The following NBAS variants were observed in gnomAD, a reference collection of about 807,000 sequenced individuals.
NBAS encodes the protein NAG/BC035112 fusion.
NBAS carries 219 observed loss-of-function variants against 302.5 expected under a neutral mutation model. The observed-to-expected ratio is 0.72, with a 90% CI of 0.65 to 0.81. The LOEUF (loss-of-function observed/expected upper bound fraction) is 0.81. Ranked by LOEUF, NBAS falls within the 30% of genes least tolerant of loss-of-function variation. The pLI, the probability that NBAS is intolerant of heterozygous loss-of-function variation, is 0.00. For missense variants in NBAS, 2,932 were observed against 2,841.6 expected (o/e 1.03, Z -0.72); for synonymous variants, 1,118 against 1,021.6 (o/e 1.09, Z -1.80).
the NBAS span, among the ~76,000 whole-genome samples, chr2:15,053,648 T>C: frequency 1.3e-5 from 2 of 151,264 alleles, no homozygotes; most frequent in Non-Finnish European, 2.9e-5. Context: ...TCCTTTCCCC[T>C]GCAGACCCGG....
chr2:14,861,570 C>T, the NBAS span, among the ~76,000 whole-genome samples: 3 of 152,224 alleles, frequency 2.0e-5, no homozygotes, highest in Non-Finnish European at 4.4e-5. Flanking sequence ...TCAAGGGTTG[C>T]ACTGAGCAGA....
At chr2:15,528,254 A>C (rs1189258517) in intron 9 of NBAS, among the ~76,000 whole-genome samples, 3 of 151,818 alleles carry the variant, frequency 2.0e-5, no homozygotes, top group African/African-American at 7.3e-5. Flanking sequence ...TGCTCCTTCA[A>C]GCAAGTAGTA....
At position 15,394,325 on chromosome 2, in the gene NBAS, A is replaced by G. The variant is rs1421669180; in HGVS notation, c.3159T>C (p.His1053=). 1 of 1,613,170 alleles carries G rather than the reference A, an allele frequency of 6.2e-7. No homozygotes were observed. The highest frequency in any genetic ancestry group is 8.5e-7 in the Non-Finnish European group (1 of 1,179,360). The part of the protein sequence containing the change: ...ILSVSELLEK[H]GLEKPISFVK... ...CAAATGAAATTGGTTTCTCGAGTCCATGTTTTTCCAAAAGCTCTGACACAC... is the reference window on the plus strand; with the variant it reads ...CAAATGAAATTGGTTTCTCGAGTCCGTGTTTTTCCAAAAGCTCTGACACAC... Residue 1053 remains histidine (H), a synonymous_variant, in exon 28 of 52, where the codon CAT becomes CAC. Coordinates refer to ENST00000281513, the MANE Select transcript of NBAS (RefSeq NM_015909.4).
At chr2:15,152,733 C>T in the NBAS span, among the ~76,000 whole-genome samples, 1 of 152,112 alleles carries the variant, frequency 6.6e-6, no homozygotes, top group Admixed American at 6.5e-5. Flanking sequence ...TTAACATAAC[C>T]ATACACTGCC....
At chr2:14,994,856 T>C in the NBAS span, among the ~76,000 whole-genome samples, 1 of 152,188 alleles carries the variant, frequency 6.6e-6, no homozygotes, top group Non-Finnish European at 1.5e-5. Flanking sequence ...AGGTATCAGG[T>C]AACTTCCCAA....
the NBAS span, among the ~76,000 whole-genome samples, chr2:14,947,693 C>T: frequency 6.6e-6 from 1 of 152,118 alleles, no homozygotes; most frequent in Non-Finnish European, 1.5e-5. Context: ...TAGAAGTTGA[C>T]ATCCTTCTCT....
intron 36 of NBAS, 64 bp from the exon 37 acceptor site, chr2:15,328,376 G>A (rs755876935): frequency 7.5e-5 from 102 of 1,354,672 alleles, no homozygotes; most frequent in Non-Finnish European, 1.0e-4. Context: ...GGTAGAAGAA[G>A]TAAAAGCAAG....
Position 15,397,169 on chromosome 2 carries a change from A to T in NBAS, c.3072-694T>A, listed in dbSNP as rs78438646. Among the ~76,000 whole-genome samples, 1,028 of 152,310 alleles carry T rather than the reference A, an allele frequency of 6.7e-3. 11 individuals are homozygous for T. Among genetic ancestry groups the T allele is most frequent in the African/African-American group, 0.022 (926 of 41,576 alleles). ...TAGGGAAGATTAAGTATGGCACAAC[A>T]TATGTGCAAGTGAATACAGGGATAT... On this transcript the variant is annotated intron_variant, in intron 26 of 51. Coordinates refer to ENST00000281513, the MANE Select transcript of NBAS (RefSeq NM_015909.4).
the NBAS span, among the ~76,000 whole-genome samples, chr2:15,018,639 CTT>C: frequency 0.044 from 6,731 of 151,944 alleles, 336 homozygotes; most frequent in African/African-American, 0.1. Flanking sequence ...TATTTTTCCT[CTT>C]TATTCAAATC....
At chr2:15,028,105 G>A in the NBAS span, among the ~76,000 whole-genome samples, 1 of 152,084 alleles carries the variant, frequency 6.6e-6, no homozygotes, top group East Asian at 1.9e-4. Flanking sequence ...TAGATAAATT[G>A]CCACAGAAAA....
chr2:15,133,875 CTT>C, the NBAS span, among the ~76,000 whole-genome samples: 1 of 152,094 alleles, frequency 6.6e-6, no homozygotes, highest in Non-Finnish European at 1.5e-5. Context: ...AATGATCACT[CTT>C]TATGAATGTA....
intron 9 of NBAS, among the ~76,000 whole-genome samples, chr2:15,529,835 T>C (rs773717929): frequency 3.3e-5 from 5 of 152,212 alleles, no homozygotes; most frequent in Non-Finnish European, 7.4e-5. Context: ...AGTCTTTATA[T>C]AAGAATTTGA....
At chr2:15,554,632 G>A (rs1664559899) in intron 3 of NBAS, among the ~76,000 whole-genome samples, 1 of 148,694 alleles carries the variant, frequency 6.7e-6, no homozygotes, top group East Asian at 2.0e-4. Context: ...TAGGAAATGA[G>A]CTACTGAACC....
chr2:15,238,724 T>C (rs1667723129), intron 44 of NBAS, 38 bp from the exon 45 acceptor site: 2 of 1,547,698 alleles, frequency 1.3e-6, no homozygotes, highest in Non-Finnish European at 1.8e-6. Context: ...GAACCCTGCA[T>C]TATTACCTAT....
the NBAS span, among the ~76,000 whole-genome samples, chr2:14,976,591 C>A: frequency 6.6e-6 from 1 of 152,134 alleles, no homozygotes; most frequent in African/African-American, 2.4e-5. Context: ...GAAAAGTGGT[C>A]GTTCCAAAAA....
the NBAS span, among the ~76,000 whole-genome samples, chr2:14,887,410 A>AAAGAAAAGAAAAAG: frequency 6.6e-6 from 1 of 150,566 alleles, no homozygotes; most frequent in Non-Finnish European, 1.5e-5. Flanking sequence ...AAAAAAAAAA[A>AAAGAAAAGAAAAAG]AAAAAGATAG....
intron 29 of NBAS, among the ~76,000 whole-genome samples, chr2:15,380,909 C>A (rs1401081987): frequency 1.5e-5 from 2 of 135,266 alleles, no homozygotes; most frequent in Non-Finnish European, 3.2e-5. Context: ...AGGCTTCCTG[C>A]AGAAGGCATT....
intron 12 of NBAS, among the ~76,000 whole-genome samples, chr2:15,480,008 C>T (rs1680359041): frequency 1.3e-5 from 2 of 152,314 alleles, no homozygotes; most frequent in Non-Finnish European, 2.9e-5. Context: ...TACTAGGCTT[C>T]CTACACACTC....
chr2:15,314,693 A>T (rs1486125708), intron 38 of NBAS, among the ~76,000 whole-genome samples: 1 of 152,220 alleles, frequency 6.6e-6, no homozygotes, highest in Non-Finnish European at 1.5e-5. Flanking sequence ...CCTAAGAGAA[A>T]TGAAAACACA....
Sources: gnomAD v4.1 joint callset for allele counts (sites outside exome capture counted in the v4.1 genomes callset) on GRCh38, gnomAD v4.1.1 for gene constraint, MANE v1.5 for transcripts, NCBI Gene and HGNC (gene_info 2026-07-23, HGNC 2026-07-21) for gene names.